The following FYCO1 variants were observed in gnomAD, a reference collection of about 807,000 sequenced individuals.
FYCO1 encodes FYVE and coiled-coil domain-containing protein 1.
Under a neutral mutation model 165.1 loss-of-function variants are expected in FYCO1, and 122 were observed. The ratio of observed to expected loss-of-function variants is 0.74; its 90% CI spans 0.64 to 0.86. FYCO1 has a LOEUF of 0.86. FYCO1 is among the 40% of genes least tolerant of loss of function. The pLI, the probability that FYCO1 is intolerant of heterozygous loss-of-function variation, is 0.00. For synonymous variants in FYCO1, 648 were observed against 742.5 expected (o/e 0.87, Z 2.07); for missense variants, 1,702 against 1,810.3 (o/e 0.94, Z 1.09).
chr3:45,968,521 C>G lies in FYCO1; in HGVS notation c.813G>C (p.Gly271=), dbSNP rs745750335. ...QELRAAVSQQ[G]EQLQTERERG... is the part of the protein sequence containing the mutation. Reference sequence around the variant, plus strand: ...TCTCCCTCTCTGTCTGCAGTTGCTCCCCTTGCTGGCTGACAGCTGCCCTCA... The same window carrying G: ...TCTCCCTCTCTGTCTGCAGTTGCTCGCCTTGCTGGCTGACAGCTGCCCTCA... Residue 271 remains glycine (G), a synonymous_variant, in exon 8 of 18, where the codon GGG becomes GGC. Transcript: ENST00000296137. 5 of 1,613,910 alleles carry G rather than the reference C, an allele frequency of 3.1e-6. No homozygotes were observed. In the South Asian group the frequency reaches 5.5e-5, roughly 18 times the overall value.
intron 2 of FYCO1, chr3:45,984,636 C>T (rs1192853725): frequency 1.6e-6 from 1 of 639,512 alleles, no homozygotes; most frequent in Non-Finnish European, 2.8e-6. Flanking sequence ...TGTTTACAAA[C>T]TGGCTTTACA....
Position 45,921,522 on chromosome 3 carries a change from T to C in FYCO1, c.*243A>G. The C allele has an allele frequency of 2.0e-6, 1 of 510,730 alleles. No individual in the cohort carries two copies. Among genetic ancestry groups the C allele is most frequent in the Non-Finnish European group, 3.6e-6 (1 of 279,892 alleles). The allele number at this position is 510,730 out of a possible 1,614,324, so 31.6% of individuals were successfully genotyped here. A position where few individuals can be genotyped will look rare whatever the true frequency, so the allele number is the denominator to read the frequency against. On this transcript the variant is annotated 3_prime_UTR_variant, in exon 18 of 18. Transcript: ENST00000296137. ...CTTTGGCAGAGCATCCCTTTGGGTG[T>C]GACAACAGCTGAGTCTCTACTTAAT...
chr3:45,984,962 G>A lies in FYCO1; in HGVS notation c.-52C>T, dbSNP rs757507748. The A allele has an allele frequency of 6.2e-7, 1 of 1,603,952 alleles. No homozygotes were observed. The highest frequency in any genetic ancestry group is 8.5e-7 in the Non-Finnish European group (1 of 1,170,790). ...GTCTCCTGCCTGGGTCCAGAGGAAG[G>A]CTCAGAATTTCGGCCCTCGGTGGCT... On this transcript the variant is annotated 5_prime_UTR_variant, in exon 2 of 18. Transcript: ENST00000296137.
rs865785406 is a variant in FYCO1 at position 45,959,275 on chromosome 3, C to G, written c.3587+118G>C. 3 of 1,146,928 alleles carry G rather than the reference C, an allele frequency of 2.6e-6. No individual in the cohort carries two copies. In the East Asian group the frequency reaches 7.0e-5, roughly 27 times the overall value. 71.0% of individuals were successfully genotyped at this position (1,146,928 alleles called of 1,614,324 possible). A position where few individuals can be genotyped will look rare whatever the true frequency, so the allele number is the denominator to read the frequency against. ...CCTTAAAGCCAAAACGCAATGTGCT[C>G]TTCCTAAATAGTCAGCCATGGTGCC... On this transcript the variant is annotated intron_variant, in intron 12 of 17. Transcript: ENST00000296137.
chr3:45,966,846 G>GCTGCT lies in FYCO1; in HGVS notation c.2483_2487dup (p.Leu830SerfsTer3). ...TTAAGGGCTTCATTCTGCTCCTTCA[G>GCTGCT]CTGCTGCACAAGGGTTTTGTGCTCC... On this transcript the variant is annotated frameshift_variant, in exon 8 of 18. Coordinates refer to ENST00000296137, the MANE Select transcript of FYCO1 (RefSeq NM_024513.4). LOFTEE classifies it high-confidence loss of function. The GCTGCT allele has an allele frequency of 6.2e-7, 1 of 1,611,968 alleles. No individual in the cohort carries two copies. The highest frequency in any genetic ancestry group is 8.5e-7 in the Non-Finnish European group (1 of 1,180,016).
intron 15 of FYCO1, 45 bp from the exon 16 acceptor site, chr3:45,931,326 G>A (rs1223275582): frequency 3.2e-6 from 5 of 1,582,270 alleles, no homozygotes; most frequent in Admixed American, 1.7e-5. Flanking sequence ...TGGGCAAAGT[G>A]TTTGTGTCCA....
chr3:45,969,725 G>A lies in FYCO1; in HGVS notation c.580C>T (p.Pro194Ser), dbSNP rs755836446. Residue 194 changes from proline to serine, a missense_variant, in exon 7 of 18, where the codon CCC (proline) becomes TCC (serine). Coordinates refer to ENST00000296137, the MANE Select transcript of FYCO1 (RefSeq NM_024513.4). ...TTGSSAYLWKPPSRSSSMSSL... is the reference protein window; with the variant it reads ...TTGSSAYLWKSPSRSSSMSSL... ...CTCATGCTGGAGCTGCGGCTAGGGG[G>A]TTTCCACAGGTAAGCAGAAGAGCCA... 4 of 1,614,068 alleles carry A rather than the reference G, an allele frequency of 2.5e-6. No individual in the cohort carries two copies. Among genetic ancestry groups the A allele is most frequent in the Non-Finnish European group, 3.4e-6 (4 of 1,180,010 alleles).
At chr3:45,947,782 G>T (rs753559060) in intron 14 of FYCO1, 2 of 451,730 alleles carry the variant, frequency 4.4e-6, no homozygotes, top group Non-Finnish European at 4.1e-6. Flanking sequence ...GGGATGACAT[G>T]TGACTCCTAT....
At chr3:45,954,809 A>T (rs1382739925) in intron 14 of FYCO1, among the ~76,000 whole-genome samples, 2 of 152,230 alleles carry the variant, frequency 1.3e-5, no homozygotes, top group Non-Finnish European at 2.9e-5. Context: ...GGACAGCCAC[A>T]TGAAGAGGCA....
Position 45,968,346 on chromosome 3 carries a change from C to T in FYCO1, c.988G>A (p.Glu330Lys), listed in dbSNP as rs1187724161. The change falls in exon 8 of 18, where the codon GAG becomes AAG. Residue 330 changes from glutamate to lysine, a missense_variant. By Grantham distance (56) the Glu-to-Lys change is moderately conservative. Coordinates refer to ENST00000296137, the MANE Select transcript of FYCO1 (RefSeq NM_024513.4). The part of the protein sequence containing the change: ...QGLELGAAEK[E>K]EDYHTALRRL... ...CGCAGGGCTGTGTGGTAGTCCTCCT[C>T]CTTCTCTGCTGCTCCTAGCTCCAGG... 6.2e-7 allele frequency: 1 copy of T among 1,613,694 alleles called. No homozygotes were observed. Among genetic ancestry groups the T allele is most frequent in the Admixed American group, 1.7e-5 (1 of 60,022 alleles).
At chr3:45,924,764 C>G (rs187607660) in intron 16 of FYCO1, among the ~76,000 whole-genome samples, 14 of 151,974 alleles carry the variant, frequency 9.2e-5, no homozygotes, top group African/African-American at 2.7e-4. Context: ...AGGCACCCAC[C>G]ACCATGCCCA....
chr3:45,984,728 G>T (rs757544171), intron 2 of FYCO1, 128 bp downstream of exon 2: 44 of 912,076 alleles, frequency 4.8e-5, no homozygotes, highest in Non-Finnish European at 7.5e-5. Flanking sequence ...AATATGATGT[G>T]ACCTGAGGAC....
At chr3:45,990,086 C>T (rs1707495245) in intron 1 of FYCO1, among the ~76,000 whole-genome samples, 4 of 152,204 alleles carry the variant, frequency 2.6e-5, no homozygotes, top group Admixed American at 2.6e-4. Context: ...AAATTATATG[C>T]TCTGGGACCT....
At chr3:45,975,512 G>A (rs1422156370) in intron 4 of FYCO1, among the ~76,000 whole-genome samples, 167 bp from the exon 5 acceptor site, 1 of 152,188 alleles carries the variant, frequency 6.6e-6, no homozygotes, top group South Asian at 2.1e-4. Flanking sequence ...TACTCTTACC[G>A]CAGAGAGTAA....
At chr3:45,983,283 C>T (rs983473795) in intron 2 of FYCO1, among the ~76,000 whole-genome samples, 9 of 152,206 alleles carry the variant, frequency 5.9e-5, no homozygotes, top group Non-Finnish European at 1.3e-4. Flanking sequence ...AAGTGGGCTG[C>T]CCTGCAGAGG....
At chr3:45,980,248 C>T (rs1385482333) in intron 3 of FYCO1, among the ~76,000 whole-genome samples, 1 of 151,894 alleles carries the variant, frequency 6.6e-6, no homozygotes. Context: ...ACTCAAGAGG[C>T]TGAGGCAGGA....
intron 15 of FYCO1, among the ~76,000 whole-genome samples, chr3:45,933,653 C>T (rs1364714699): frequency 6.6e-6 from 1 of 152,066 alleles, no homozygotes; most frequent in Non-Finnish European, 1.5e-5. Flanking sequence ...AGAAGGAAGG[C>T]GGACTGATTA....
In FYCO1 at chr3:45,968,079, C is replaced by T. The variant is rs374823897; in HGVS notation, c.1255G>A (p.Glu419Lys). 1.1e-5 allele frequency: 17 copies of T among 1,614,064 alleles called. No individual in the cohort carries two copies. The South Asian group carries it at 1.9e-4, about 18-fold the overall frequency. ...ALERERTKVE[E>K]VNRQQSAQLE... ...TGGGCACTCTGCTGTCTGTTGACCTCCTCGACCTTGGTTCTCTCCCTTTCT... is the reference window on the plus strand; with the variant it reads ...TGGGCACTCTGCTGTCTGTTGACCTTCTCGACCTTGGTTCTCTCCCTTTCT... The change falls in exon 8 of 18, where the codon GAG becomes AAG. Residue 419 changes from glutamate to lysine, a missense_variant. Transcript: ENST00000296137.
chr3:45,949,404 G>A (rs887373253), intron 14 of FYCO1, among the ~76,000 whole-genome samples: 2 of 152,170 alleles, frequency 1.3e-5, no homozygotes, highest in Admixed American at 6.5e-5. Flanking sequence ...ACAGTGTCCC[G>A]GCCCAAGGGA....
Sources: allele counts gnomAD v4.1 joint callset (sites outside exome capture counted in the v4.1 genomes callset), GRCh38; gene constraint gnomAD v4.1.1; transcripts MANE v1.5; gene names NCBI Gene and HGNC (gene_info 2026-07-23, HGNC 2026-07-21).